Variants in SCRG1 observed in about 807,000 individuals in gnomAD.
SCRG1 encodes the protein stimulator of chondrogenesis 1, also known as scrapie-responsive protein 1.
Under a neutral mutation model 7.7 loss-of-function variants are expected in SCRG1, and 3 were observed. The observed-to-expected ratio is 0.39, with a 90% CI of 0.18 to 1.01. The LOEUF is 1.01. Ranked by LOEUF, SCRG1 falls within the 50% of genes least tolerant of loss-of-function variation. SCRG1 has a pLI of 0.36. For synonymous variants in SCRG1, 46 were observed against 41.2 expected (o/e 1.12, Z -0.44); for missense variants, 110 against 117.2 (o/e 0.94, Z 0.28).
At chr4:173,405,147 C>T (rs182995920) in intron 1 of SCRG1, among the ~76,000 whole-genome samples, 1 of 152,284 alleles carries the variant, frequency 6.6e-6, no homozygotes, top group Admixed American at 6.5e-5. Flanking sequence ...TCTTCAGGCT[C>T]CTCAGTGTCT....
the SCRG1 span, among the ~76,000 whole-genome samples, chr4:173,459,197 C>T: frequency 2.0e-5 from 3 of 152,160 alleles, no homozygotes; most frequent in African/African-American, 4.8e-5. Context: ...CTCTCAGAAT[C>T]GCACTGATCA....
At chr4:173,434,133 G>A in the SCRG1 span, among the ~76,000 whole-genome samples, 1 of 152,146 alleles carries the variant, frequency 6.6e-6, no homozygotes, top group East Asian at 1.9e-4. Flanking sequence ...GGGCCAGGGT[G>A]GGAAGGTGGG....
chr4:173,453,633 T>TAA, the SCRG1 span, among the ~76,000 whole-genome samples: 5 of 152,158 alleles, frequency 3.3e-5, no homozygotes, highest in African/African-American at 1.2e-4. Context: ...AAAGGTACAT[T>TAA]AAAAAATATG....
chr4:173,436,367 T>C, the SCRG1 span, among the ~76,000 whole-genome samples: 1 of 152,344 alleles, frequency 6.6e-6, no homozygotes, highest in African/African-American at 2.4e-5. Context: ...CTCTGAGTTA[T>C]GTGCTGCTCA....
At chr4:173,450,093 G>A in the SCRG1 span, among the ~76,000 whole-genome samples, 1 of 152,148 alleles carries the variant, frequency 6.6e-6, no homozygotes, top group African/African-American at 2.4e-5. Flanking sequence ...TAGCTGGGGA[G>A]GCCTCAGGAA....
chr4:173,391,905 G>GAC (rs370608521), intron 1 of SCRG1, among the ~76,000 whole-genome samples: 126 of 151,482 alleles, frequency 8.3e-4, no homozygotes, highest in Admixed American at 2.8e-3. Context: ...GTGAGACCTT[G>GAC]ACACACACAC....
At chr4:173,510,508 G>C in the SCRG1 span, among the ~76,000 whole-genome samples, 2 of 152,004 alleles carry the variant, frequency 1.3e-5, no homozygotes, top group Admixed American at 6.6e-5. The surrounding 1 kb of genome is among the most constrained non-coding windows in gnomAD (Gnocchi z 5.7). Flanking sequence ...GGCACATCCA[G>C]GTAGCTCTGT....
At chr4:173,457,169 G>T in the SCRG1 span, among the ~76,000 whole-genome samples, 1 of 152,214 alleles carries the variant, frequency 6.6e-6, no homozygotes, top group South Asian at 2.1e-4. Context: ...CAAAACATCT[G>T]CAGAGGAAAG....
In SCRG1 at chr4:173,386,301, A is replaced by ATTTTTTTTTTTTTTTT. The variant is rs11302799; in HGVS notation, c.*2024_*2039dup. Reference sequence around the variant, plus strand: ...AGGCGCCTGCCACCACGCCCAGCTAATTTTTTTTTTTTTTTTTTTTGTATT... The same window carrying ATTTTTTTTTTTTTTTT: ...AGGCGCCTGCCACCACGCCCAGCTAATTTTTTTTTTTTTTTTTTTTTTTTTTTTTTTTTTTTGTATT... On this transcript the variant is annotated 3_prime_UTR_variant, in exon 3 of 3. Coordinates refer to ENST00000296506, the MANE Select transcript of SCRG1 (RefSeq NM_007281.4). 2 of 117,030 alleles carry ATTTTTTTTTTTTTTTT rather than the reference A, an allele frequency of 1.7e-5. No individual in the cohort carries two copies. The highest frequency in any genetic ancestry group is 6.1e-5 in the African/African-American group (2 of 32,530). The allele number at this position is 117,030 out of a possible 1,614,324, so 7.2% of individuals were successfully genotyped here. A position where few individuals can be genotyped will look rare whatever the true frequency, so the allele number is the denominator to read the frequency against.
chr4:173,437,091 T>C, the SCRG1 span, among the ~76,000 whole-genome samples: 1 of 152,240 alleles, frequency 6.6e-6, no homozygotes, highest in African/African-American at 2.4e-5. Flanking sequence ...GCAGTCTCTA[T>C]GTTAACATCA....
chr4:173,466,365 A>G, the SCRG1 span, among the ~76,000 whole-genome samples: 2 of 152,302 alleles, frequency 1.3e-5, no homozygotes, highest in South Asian at 4.1e-4. Flanking sequence ...TTCCTAACCA[A>G]CAATTTTTCA....
At chr4:173,509,692 G>A in the SCRG1 span, among the ~76,000 whole-genome samples, 98,334 of 151,970 alleles carry the variant, frequency 0.65, 32,297 homozygotes, top group Non-Finnish European at 0.72. This position sits in a 1 kb window ranked among gnomAD's most constrained non-coding sequence, Gnocchi z 5.7. Context: ...CGGACTCGGG[G>A]TGTCGGGCGG....
At chr4:173,426,557 G>T in the SCRG1 span, among the ~76,000 whole-genome samples, 1 of 152,286 alleles carries the variant, frequency 6.6e-6, no homozygotes, top group South Asian at 2.1e-4. Context: ...GCCTCAACTA[G>T]GCTCAAGCGA....
chr4:173,506,184 A>G, the SCRG1 span, among the ~76,000 whole-genome samples: 1 of 152,226 alleles, frequency 6.6e-6, no homozygotes, highest in Non-Finnish European at 1.5e-5. The surrounding 1 kb of genome is among the most constrained non-coding windows in gnomAD (Gnocchi z 5.3). Context: ...CTGGTTGAGT[A>G]AGAGAGTCAT....
the SCRG1 span, among the ~76,000 whole-genome samples, chr4:173,441,488 T>C: frequency 1.3e-5 from 2 of 152,218 alleles, no homozygotes; most frequent in Non-Finnish European, 2.9e-5. Context: ...ACTGTGAACA[T>C]GGAACACCTG....
At chr4:173,396,681 T>C (rs995920038) in intron 1 of SCRG1, among the ~76,000 whole-genome samples, 18 of 150,758 alleles carry the variant, frequency 1.2e-4, no homozygotes, top group African/African-American at 3.9e-4. Context: ...CAATGGAAAG[T>C]TCCACACCTA....
chr4:173,506,150 T>C, the SCRG1 span, among the ~76,000 whole-genome samples: 2 of 152,154 alleles, frequency 1.3e-5, no homozygotes, highest in Non-Finnish European at 2.9e-5. This position sits in a 1 kb window ranked among gnomAD's most constrained non-coding sequence, Gnocchi z 5.3. Context: ...GAGGGACACA[T>C]GTATGGTAGG....
chr4:173,412,667 A>G, the SCRG1 span, among the ~76,000 whole-genome samples: 1 of 152,222 alleles, frequency 6.6e-6, no homozygotes, highest in Non-Finnish European at 1.5e-5. Context: ...AAACGCCCTC[A>G]GTTTACTGTT....
chr4:173,485,050 AT>A, the SCRG1 span, among the ~76,000 whole-genome samples: 1 of 7,616 alleles, frequency 1.3e-4, no homozygotes, highest in Non-Finnish European at 2.8e-4. Context: ...ATATTATATA[AT>A]ATATTATATA....
Sources: gnomAD v4.1 joint callset for allele counts (sites outside exome capture counted in the v4.1 genomes callset) on GRCh38, gnomAD v4.1.1 for gene constraint, Gnocchi (gnomAD v3.1) non-coding constraint, MANE v1.5 for transcripts, NCBI Gene and HGNC (gene_info 2026-07-23, HGNC 2026-07-21) for gene names.